Variants in ENTREP2 observed in about 807,000 individuals in gnomAD.
ENTREP2 encodes the protein endosomal transmembrane epsin interactor 2.
chr15:29,204,276 G>A, the ENTREP2 span, among the ~76,000 whole-genome samples: 1 of 152,204 alleles, frequency 6.6e-6, no homozygotes, highest in Non-Finnish European at 1.5e-5. Flanking sequence ...TGGTCTATCA[G>A]CCTGTCTGGG....
At chr15:29,486,216 C>CT in the ENTREP2 span, among the ~76,000 whole-genome samples, 1 of 152,088 alleles carries the variant, frequency 6.6e-6, no homozygotes, top group Non-Finnish European at 1.5e-5. Context: ...ACTATTCACA[C>CT]TTTAAAAAGA....
At chr15:29,126,578 G>C in the ENTREP2 span, 3 of 1,122,068 alleles carry the variant, frequency 2.7e-6, no homozygotes, top group Admixed American at 2.3e-5. Context: ...TCCAGACCTA[G>C]ATGAACTCTG....
the ENTREP2 span, among the ~76,000 whole-genome samples, chr15:29,382,438 C>A: frequency 6.6e-6 from 1 of 152,026 alleles, no homozygotes; most frequent in African/African-American, 2.4e-5. Flanking sequence ...CTCTCCCCTC[C>A]AGCCCCTGCG....
At chr15:29,502,668 G>A in the ENTREP2 span, among the ~76,000 whole-genome samples, 2 of 151,460 alleles carry the variant, frequency 1.3e-5, no homozygotes, top group African/African-American at 4.8e-5. Flanking sequence ...ATAGAATGAG[G>A]GAAGACATTT....
chr15:29,405,779 C>T, the ENTREP2 span, among the ~76,000 whole-genome samples: 8 of 152,220 alleles, frequency 5.3e-5, no homozygotes, highest in African/African-American at 1.9e-4. Flanking sequence ...TGAAGGCTGT[C>T]GGCACGCACA....
chr15:29,269,460 C>T, the ENTREP2 span: 4 of 1,613,564 alleles, frequency 2.5e-6, no homozygotes, highest in East Asian at 8.9e-5. Context: ...CCAGCTGCTT[C>T]TGGCTCCTGG....
chr15:29,377,823 AAATAATAAT>A, the ENTREP2 span, among the ~76,000 whole-genome samples: 22 of 112,982 alleles, frequency 1.9e-4, no homozygotes, highest in East Asian at 9.0e-4. Flanking sequence ...TCTGTCTCAA[AAATAATAAT>A]AATAATAATA....
the ENTREP2 span, among the ~76,000 whole-genome samples, chr15:29,636,431 C>T: frequency 6.6e-6 from 1 of 152,224 alleles, no homozygotes; most frequent in Admixed American, 6.5e-5. Flanking sequence ...CCGTGGGGCA[C>T]ATCAGAGGCC....
chr15:29,267,406 A>T, the ENTREP2 span: 2 of 152,200 alleles, frequency 1.3e-5, no homozygotes, highest in Non-Finnish European at 2.9e-5. Flanking sequence ...AGTGCATAAA[A>T]CTATTATATA....
chr15:29,347,512 T>C, the ENTREP2 span, among the ~76,000 whole-genome samples: 3 of 152,110 alleles, frequency 2.0e-5, no homozygotes, highest in Admixed American at 1.3e-4. Context: ...CTTTTCACTA[T>C]TTTTTCTACA....
the ENTREP2 span, among the ~76,000 whole-genome samples, chr15:29,493,151 T>TTTTTCTG: frequency 9.0e-6 from 1 of 111,602 alleles, no homozygotes; most frequent in Admixed American, 8.4e-5. Context: ...TTTTTTTTTT[T>TTTTTCTG]GAGACGGAGT....
the ENTREP2 span, among the ~76,000 whole-genome samples, chr15:29,299,926 T>G: frequency 7.8e-6 from 1 of 127,806 alleles, no homozygotes; most frequent in Non-Finnish European, 1.6e-5. Flanking sequence ...GGTGAATGGA[T>G]GAGTAGGTGG....
At chr15:29,184,061 T>C in the ENTREP2 span, among the ~76,000 whole-genome samples, 34 of 152,192 alleles carry the variant, frequency 2.2e-4, no homozygotes, top group South Asian at 4.6e-3. Flanking sequence ...GCTTACTGCA[T>C]GCAGCCTCAA....
At chr15:29,170,307 C>CAAAAAAA in the ENTREP2 span, among the ~76,000 whole-genome samples, 11 of 57,372 alleles carry the variant, frequency 1.9e-4, no homozygotes, top group African/African-American at 2.8e-4. Flanking sequence ...GACTCCATCT[C>CAAAAAAA]AAAAAAAAAA....
chr15:29,230,326 G>A, the ENTREP2 span, among the ~76,000 whole-genome samples: 1 of 152,246 alleles, frequency 6.6e-6, no homozygotes, highest in Admixed American at 6.5e-5. Flanking sequence ...CTCCCAAGCT[G>A]AAGTAATCCC....
the ENTREP2 span, among the ~76,000 whole-genome samples, chr15:29,176,578 A>T: frequency 1.3e-5 from 2 of 152,164 alleles, no homozygotes; most frequent in African/African-American, 2.4e-5. Context: ...TTGCCAGAGA[A>T]GCCCCCAGGA....
At chr15:29,151,875 A>G in the ENTREP2 span, 113,754 of 1,492,950 alleles carry the variant, frequency 0.076, 8,411 homozygotes, top group African/African-American at 0.37. Context: ...TGTCAGCCTC[A>G]TCCCGAAATA....
the ENTREP2 span, among the ~76,000 whole-genome samples, chr15:29,475,383 A>T: frequency 6.6e-6 from 1 of 152,144 alleles, no homozygotes; most frequent in African/African-American, 2.4e-5. Flanking sequence ...AGCCCCATTA[A>T]AAAATGCTCT....
the ENTREP2 span, among the ~76,000 whole-genome samples, chr15:29,238,644 A>G: frequency 6.6e-6 from 1 of 152,192 alleles, no homozygotes; most frequent in East Asian, 1.9e-4. Flanking sequence ...CAGAAAAAAA[A>G]AAAGAGGTTT....
Sources: gnomAD v4.1 joint callset for allele counts (sites outside exome capture counted in the v4.1 genomes callset) on GRCh38, gnomAD v4.1.1 for gene constraint, MANE v1.5 for transcripts, NCBI Gene and HGNC (gene_info 2026-07-23, HGNC 2026-07-21) for gene names.